EYA2: variants seen among roughly 807,000 people sequenced by gnomAD.
The protein encoded by EYA2 is protein phosphatase EYA2.
EYA2 carries 31 observed loss-of-function variants against 69.2 expected under a neutral mutation model. The ratio of observed to expected loss-of-function variants is 0.45; its 90% CI spans 0.34 to 0.60. The LOEUF is 0.60. Ranked by LOEUF, EYA2 falls within the 20% of genes least tolerant of loss-of-function variation. The pLI, the probability that EYA2 is intolerant of heterozygous loss-of-function variation, is 0.02. For synonymous variants in EYA2, 257 were observed against 279.4 expected (o/e 0.92, Z 0.80); for missense variants, 622 against 701.2 (o/e 0.89, Z 1.28).
At chr20:47,092,825 T>G (rs191923628) in intron 8 of EYA2, among the ~76,000 whole-genome samples, 73 of 152,332 alleles carry the variant, frequency 4.8e-4, no homozygotes, top group Non-Finnish European at 8.4e-4. Context: ...TCACACCTCT[T>G]AAGTCTTTGG....
intron 5 of EYA2, chr20:47,071,916 A>G: frequency 2.1e-6 from 1 of 468,530 alleles, no homozygotes. Flanking sequence ...CGTGAGCCAT[A>G]GCCACGGCCG....
At chr20:47,013,718 GC>G (rs1983228347) in intron 4 of EYA2, among the ~76,000 whole-genome samples, 1 of 152,220 alleles carries the variant, frequency 6.6e-6, no homozygotes, top group Non-Finnish European at 1.5e-5. Context: ...GGTGGGCAGA[GC>G]CCATGCAGGG....
intron 10 of EYA2, 52 bp from the exon 11 acceptor site, chr20:47,169,087 A>G (rs2034264855): frequency 5.8e-6 from 9 of 1,563,456 alleles, no homozygotes; most frequent in African/African-American, 1.4e-5. Context: ...GCTACATCAG[A>G]TTAACCAGGC....
chr20:47,132,956 C>T lies in EYA2; in HGVS notation c.889-10103C>T, dbSNP rs565398207. On this transcript the variant is annotated intron_variant, in intron 9 of 15. Coordinates refer to ENST00000327619, the MANE Select transcript of EYA2 (RefSeq NM_005244.5). ...ATGTAAAGAAACACTTGGGCTTGCT[C>T]AGCAGGCCTTGTCTATGCCGCAAAC... Among the ~76,000 whole-genome samples the T allele has an allele frequency of 3.3e-5, 5 of 152,300 alleles. No individual in the cohort carries two copies. The South Asian group carries it at 1.0e-3, about 32-fold the overall frequency.
At chr20:47,075,503 C>T (rs918516766) in intron 7 of EYA2, among the ~76,000 whole-genome samples, 5 of 152,034 alleles carry the variant, frequency 3.3e-5, no homozygotes, top group Non-Finnish European at 7.4e-5. Flanking sequence ...TATGCACTGG[C>T]CATACACAGC....
Position 47,169,207 on chromosome 20 carries a change from TG to T in EYA2, c.1037+14del. 4 of 1,613,636 alleles carry T rather than the reference TG, an allele frequency of 2.5e-6. No individual in the cohort carries two copies. The highest frequency in any genetic ancestry group is 3.4e-6 in the Non-Finnish European group (4 of 1,179,580). Reference sequence around the variant, plus strand: ...ATGGCCAAGATTTAAGGTGGGAATTTGGGGAGTCAAAAATGCCCATTGATTG... The same window carrying T: ...ATGGCCAAGATTTAAGGTGGGAATTTGGGAGTCAAAAATGCCCATTGATTG... On this transcript the variant is annotated intron_variant, in intron 11 of 15. Transcript: ENST00000327619.
chr20:47,152,734 C>T (rs1032070772), intron 10 of EYA2, among the ~76,000 whole-genome samples: 3 of 151,322 alleles, frequency 2.0e-5, no homozygotes. Context: ...TCACTCGAAC[C>T]CAGGAGGCAA....
In EYA2 at chr20:47,061,270, T is replaced by C. The variant is rs1429388151; in HGVS notation, c.416-10915T>C. Among the ~76,000 whole-genome samples the C allele has an allele frequency of 5.3e-5, 8 of 152,196 alleles. No homozygotes were observed. In the East Asian group the frequency reaches 1.5e-3, roughly 29 times the overall value. ...GGCCTGGCATGCTGGCTTACGCCTA[T>C]AATCTCAGCACTTTGGGAGGCCTAG... On this transcript the variant is annotated intron_variant, in intron 5 of 15. Coordinates refer to ENST00000327619, the MANE Select transcript of EYA2 (RefSeq NM_005244.5).
chr20:46,954,074 C>T (rs1295343130), intron 1 of EYA2, among the ~76,000 whole-genome samples: 2 of 152,226 alleles, frequency 1.3e-5, no homozygotes, highest in African/African-American at 4.8e-5. Context: ...CATCCCAGGG[C>T]CTTTGCATGT....
chr20:47,061,327 C>T (rs1447802351), intron 5 of EYA2, among the ~76,000 whole-genome samples: 1 of 152,060 alleles, frequency 6.6e-6, no homozygotes, highest in Non-Finnish European at 1.5e-5. Context: ...AGGAGTTTGA[C>T]ACCAGCCTCG....
intron 9 of EYA2, 90 bp downstream of exon 9, chr20:47,097,258 T>C: frequency 3.0e-6 from 3 of 987,714 alleles, no homozygotes; most frequent in Non-Finnish European, 4.5e-6. Context: ...GGACAGTTTA[T>C]GAGGCAGCTT....
In EYA2 at chr20:46,942,321, C is replaced by T. The variant is rs185132081; in HGVS notation, c.-11+47334C>T. 1.6e-3 allele frequency among the ~76,000 whole-genome samples: 248 copies of T among 152,242 alleles called. 1 individual carries two copies. The highest frequency in any genetic ancestry group is 5.5e-3 in the African/African-American group (228 of 41,518). On this transcript the variant is annotated intron_variant, in intron 1 of 15. Coordinates refer to ENST00000327619, the MANE Select transcript of EYA2 (RefSeq NM_005244.5). ...CTCCTGGGCTTAAGTGATCTTCCCA[C>T]CTCAGCCTCCTGAGTAGTTGGGACT...
intron 1 of EYA2, among the ~76,000 whole-genome samples, chr20:46,907,945 G>C (rs1429002707): frequency 6.6e-6 from 1 of 152,174 alleles, no homozygotes; most frequent in Non-Finnish European, 1.5e-5. Flanking sequence ...TTTATTTCTT[G>C]TTCCCTTCTT....
intron 9 of EYA2, among the ~76,000 whole-genome samples, chr20:47,116,244 CTT>C (rs1425753467): frequency 7.9e-6 from 1 of 127,072 alleles, no homozygotes; most frequent in Non-Finnish European, 1.5e-5. Context: ...GTGGTGCAAT[CTT>C]GGCTCACTGC....
At chr20:46,972,430 G>C (rs1016650320) in intron 1 of EYA2, among the ~76,000 whole-genome samples, 1 of 152,116 alleles carries the variant, frequency 6.6e-6, no homozygotes, top group Non-Finnish European at 1.5e-5. Context: ...CACTCCATTG[G>C]CACAGTGTCA....
At chr20:47,138,126 A>G (rs2033518846) in intron 9 of EYA2, among the ~76,000 whole-genome samples, 1 of 151,876 alleles carries the variant, frequency 6.6e-6, no homozygotes, top group Admixed American at 6.6e-5. Context: ...GTACCCTAAA[A>G]CTTAAAGTAT....
intron 1 of EYA2, among the ~76,000 whole-genome samples, chr20:46,926,260 G>T (rs938733171): frequency 1.3e-5 from 2 of 152,242 alleles, no homozygotes; most frequent in South Asian, 2.1e-4. Context: ...ATAGAGAGGG[G>T]GGTTGATTTA....
chr20:47,016,473 G>C (rs188560089), intron 5 of EYA2, among the ~76,000 whole-genome samples, 176 bp downstream of exon 5: 78 of 152,310 alleles, frequency 5.1e-4, no homozygotes, highest in Non-Finnish European at 9.1e-4. Context: ...CCTGGCAGTG[G>C]GGAGAGACTA....
intron 9 of EYA2, among the ~76,000 whole-genome samples, chr20:47,142,125 A>G (rs2033609739): frequency 6.6e-6 from 1 of 152,238 alleles, no homozygotes; most frequent in African/African-American, 2.4e-5. Flanking sequence ...CTGACTTTGT[A>G]GTACAGTGTA....
Sources: allele counts gnomAD v4.1 joint callset (sites outside exome capture counted in the v4.1 genomes callset), GRCh38; gene constraint gnomAD v4.1.1; transcripts MANE v1.5; gene names NCBI Gene and HGNC (gene_info 2026-07-23, HGNC 2026-07-21).